Variants in PCDHGA2 observed in about 807,000 individuals in gnomAD.
PCDHGA2 encodes protocadherin gamma-A2.
A neutral mutation model predicts 59.2 loss-of-function variants in PCDHGA2; 40 were observed. That is an observed-to-expected ratio of 0.68 (90% CI 0.52 to 0.88). The LOEUF (loss-of-function observed/expected upper bound fraction) is 0.88. Ranked by LOEUF, PCDHGA2 falls within the 40% of genes least tolerant of loss-of-function variation. PCDHGA2 has a pLI of 0.00. For synonymous variants in PCDHGA2, 560 were observed against 526.0 expected (o/e 1.06, Z -0.89); for missense variants, 1,226 against 1,204.0 (o/e 1.02, Z -0.27).
At position 141,479,006 on chromosome 5, in the gene PCDHGA2, T is replaced by C. The variant is rs148063283; in HGVS notation, c.2425-15801T>C. On this transcript the variant is annotated intron_variant, in intron 1 of 3. Transcript: ENST00000394576. ...ACATTTGTATTAAAACTAATAGCTT[T>C]TTGATAATTTTCCTTTGTTTATACA... Among the ~76,000 whole-genome samples the C allele has an allele frequency of 1.2e-3, 179 of 152,340 alleles. 2 individuals are homozygous for C. The highest frequency in any genetic ancestry group is 0.011 in the Admixed American group (170 of 15,300).
intron 1 of PCDHGA2, among the ~76,000 whole-genome samples, chr5:141,349,454 G>A (rs1758297521): frequency 6.6e-6 from 1 of 152,140 alleles, no homozygotes; most frequent in Non-Finnish European, 1.5e-5. Flanking sequence ...ATAAAAGCAT[G>A]TATGTGTACC....
chr5:141,349,265 G>C (rs1216799971), intron 1 of PCDHGA2, among the ~76,000 whole-genome samples: 1 of 152,022 alleles, frequency 6.6e-6, no homozygotes, highest in Non-Finnish European at 1.5e-5. Flanking sequence ...GAGATGGCTT[G>C]CACCATGTTG....
At chr5:141,406,198 C>T (rs1363174713) in intron 1 of PCDHGA2, among the ~76,000 whole-genome samples, 1 of 151,806 alleles carries the variant, frequency 6.6e-6, no homozygotes, top group African/African-American at 2.4e-5. Context: ...TCAGCCTTCA[C>T]AGTAGCTAGG....
chr5:141,395,442 AG>A lies in PCDHGA2; in HGVS notation c.2424+54048del, dbSNP rs1446210907. Reference sequence around the variant, plus strand: ...CATTTGCTTTTAAACGACTTGGAAAAGATTGTTCAACCATTTTAAGCCTTCC... The same window carrying A: ...CATTTGCTTTTAAACGACTTGGAAAAATTGTTCAACCATTTTAAGCCTTCC... On this transcript the variant is annotated intron_variant, in intron 1 of 3. Coordinates refer to ENST00000394576, the MANE Select transcript of PCDHGA2 (RefSeq NM_018915.4). 4 of 667,514 alleles carry A rather than the reference AG, an allele frequency of 6.0e-6. No homozygotes were observed. The East Asian group carries it at 1.2e-4, about 20-fold the overall frequency. 41.3% of individuals were successfully genotyped at this position (667,514 alleles called of 1,614,324 possible).
chr5:141,422,211 CTT>C (rs1339862278), intron 1 of PCDHGA2: 1 of 1,563,166 alleles, frequency 6.4e-7, no homozygotes, highest in African/African-American at 1.4e-5. Context: ...GTGGAGGTCT[CTT>C]TACCACCACG....
In PCDHGA2 at chr5:141,489,873, G is replaced by A. The variant is rs1252665956; in HGVS notation, c.2425-4934G>A. The A allele has an allele frequency of 4.3e-6, 7 of 1,614,224 alleles. No homozygotes were observed. The highest frequency in any genetic ancestry group is 5.9e-6 in the Non-Finnish European group (7 of 1,180,030). On this transcript the variant is annotated intron_variant, in intron 1 of 3. Coordinates refer to ENST00000394576, the MANE Select transcript of PCDHGA2 (RefSeq NM_018915.4). The surrounding 1 kb of genome is among the most constrained non-coding windows in gnomAD (Gnocchi z 4.5). Reference sequence around the variant, plus strand: ...AAGCCCAGGCAAGACATCAGCTGGTGCTTACTGCTGTGGATGGGGGGACCC... The same window carrying A: ...AAGCCCAGGCAAGACATCAGCTGGTACTTACTGCTGTGGATGGGGGGACCC...
chr5:141,343,949 G>A, intron 1 of PCDHGA2: 1 of 1,293,370 alleles, frequency 7.7e-7, no homozygotes, highest in South Asian at 1.6e-5. Flanking sequence ...GCCCGTAAAA[G>A]ACTTCGTTTC....
chr5:141,438,638 A>G (rs1192725978), intron 1 of PCDHGA2, among the ~76,000 whole-genome samples: 1 of 22,806 alleles, frequency 4.4e-5, no homozygotes, highest in East Asian at 1.6e-3. Flanking sequence ...ATATATATAC[A>G]CACACACACA....
At chr5:141,430,808 G>A in intron 1 of PCDHGA2, 1 of 1,526,682 alleles carries the variant, frequency 6.6e-7, no homozygotes, top group East Asian at 2.3e-5. Flanking sequence ...TGTCCTGCTG[G>A]GAATCCTCCT....
chr5:141,390,478 ATTTG>A (rs2092157792), intron 1 of PCDHGA2: 1 of 678,524 alleles, frequency 1.5e-6, no homozygotes, highest in Admixed American at 3.1e-5. Flanking sequence ...GTGGCCCAAC[ATTTG>A]TTTGTTTTTT....
chr5:141,493,206 C>A lies in PCDHGA2; in HGVS notation c.2425-1601C>A, dbSNP rs191090598. Among the ~76,000 whole-genome samples the A allele has an allele frequency of 2.4e-3, 368 of 152,322 alleles. 2 individuals carry two copies. Among genetic ancestry groups the A allele is most frequent in the Admixed American group, 4.5e-3 (69 of 15,296 alleles). On this transcript the variant is annotated intron_variant, in intron 1 of 3. Transcript: ENST00000394576. This position sits in a 1 kb window ranked among gnomAD's most constrained non-coding sequence, Gnocchi z 4.3. ...TATAACTCCTTTGAGAACCTCATCT[C>A]ATTTGCTCTTCCCACCATTGCTGTT...
In PCDHGA2 at chr5:141,489,185, T is replaced by G; in HGVS notation, c.2425-5622T>G. The G allele has an allele frequency of 7.8e-7, 1 of 1,286,838 alleles. No individual in the cohort carries two copies. The highest frequency in any genetic ancestry group is 1.5e-5 in the African/African-American group (1 of 67,216). 79.7% of individuals were successfully genotyped at this position (1,286,838 alleles called of 1,614,324 possible). On this transcript the variant is annotated intron_variant, in intron 1 of 3. Transcript: ENST00000394576. The surrounding 1 kb of genome is among the most constrained non-coding windows in gnomAD (Gnocchi z 4.5). The stretch of plus-strand genomic sequence containing the variant: ...CAGCTGCTGCATTCCAAGCCCTGGG[T>G]CTACCTTGGAGACAGGACAGCACAG...
At chr5:141,376,676 G>GTTTTGTT in intron 1 of PCDHGA2, 5 of 306,022 alleles carry the variant, frequency 1.6e-5, no homozygotes, top group Non-Finnish European at 1.1e-5. Flanking sequence ...TGAGGGTATC[G>GTTTTGTT]TTTTTTTTTT....
chr5:141,350,108 CT>C (rs1758409669), intron 1 of PCDHGA2: 4 of 536,778 alleles, frequency 7.5e-6, no homozygotes, highest in Non-Finnish European at 1.2e-5. Context: ...TGCCTTCCTG[CT>C]TTGTCCGGTG....
intron 1 of PCDHGA2, chr5:141,395,544 G>GTTTGTT (rs70988801): frequency 1.5e-3 from 17 of 11,560 alleles, no homozygotes; most frequent in African/African-American, 4.5e-3. Flanking sequence ...GCTATTGTTT[G>GTTTGTT]TGTGTGTGTG....
At chr5:141,416,913 G>C (rs2096067624) in intron 1 of PCDHGA2, 1 of 151,920 alleles carries the variant, frequency 6.6e-6, no homozygotes, top group South Asian at 2.1e-4. Context: ...ACACTCTTTA[G>C]GGTCATAGTT....
chr5:141,415,627 A>T, intron 1 of PCDHGA2: 1 of 1,598,406 alleles, frequency 6.3e-7, no homozygotes, highest in Non-Finnish European at 8.5e-7. Context: ...TTTTATTTTC[A>T]TTTTTACTTT....
chr5:141,371,751 C>T (rs1768003581), intron 1 of PCDHGA2: 1 of 1,613,918 alleles, frequency 6.2e-7, no homozygotes. Flanking sequence ...TCCCGTTTTC[C>T]ACCAGGCCTC....
chr5:141,485,095 TC>T lies in PCDHGA2; in HGVS notation c.2425-9710del, dbSNP rs1040164730. ...GCGCGGGGAAAGGGAGATAGGTGTCTCCAGCTGCTGTGGCTGTTTGGGGCGG... is the reference window on the plus strand; with the variant it reads ...GCGCGGGGAAAGGGAGATAGGTGTCTCAGCTGCTGTGGCTGTTTGGGGCGG... On this transcript the variant is annotated intron_variant, in intron 1 of 3. Coordinates refer to ENST00000394576, the MANE Select transcript of PCDHGA2 (RefSeq NM_018915.4). This position sits in a 1 kb window ranked among gnomAD's most constrained non-coding sequence, Gnocchi z 5.7. 6.8e-5 allele frequency: 76 copies of T among 1,115,798 alleles called. No homozygotes were observed. Among genetic ancestry groups the T allele is most frequent in the South Asian group, 4.6e-4 (33 of 71,042 alleles). The allele number at this position is 1,115,798 out of a possible 1,614,324, so 69.1% of individuals were successfully genotyped here. A position where few individuals can be genotyped will look rare whatever the true frequency, so the allele number is the denominator to read the frequency against.
Sources: allele counts gnomAD v4.1 joint callset (sites outside exome capture counted in the v4.1 genomes callset), GRCh38; gene constraint gnomAD v4.1.1; non-coding constraint Gnocchi (gnomAD v3.1); transcripts MANE v1.5; gene names NCBI Gene and HGNC (gene_info 2026-07-23, HGNC 2026-07-21).